SBNO1: variants seen among roughly 807,000 people sequenced by gnomAD.
The protein encoded by SBNO1 is strawberry notch homolog 1.
In SBNO1, 23 loss-of-function variants were observed where a neutral mutation model predicts 173.6. The ratio of observed to expected loss-of-function variants is 0.13; its 90% CI spans 0.10 to 0.19. The LOEUF is 0.19. Ranked by LOEUF, SBNO1 falls within the 10% of genes least tolerant of loss-of-function variation. SBNO1 has a pLI of 1.00. For missense variants in SBNO1, 1,238 were observed against 1,671.2 expected (o/e 0.74, Z 4.52); for synonymous variants, 632 against 571.5 (o/e 1.11, Z -1.51).
At chr12:123,354,481 GC>G (rs1874209271) in intron 1 of SBNO1, among the ~76,000 whole-genome samples, 2 of 151,850 alleles carry the variant, frequency 1.3e-5, no homozygotes, top group African/African-American at 4.8e-5. Flanking sequence ...TTCTTTTTTT[GC>G]AGGGTGAAGG....
chr12:123,296,166 CA>C, intron 31 of SBNO1, 116 bp from the exon 32 acceptor site: 1 of 565,686 alleles, frequency 1.8e-6, no homozygotes, highest in South Asian at 2.3e-5. Context: ...GAAGTTCACA[CA>C]AAAATTAAAC....
At chr12:123,330,598 TTA>T in intron 8 of SBNO1, 89 bp from the exon 9 acceptor site, 1 of 479,036 alleles carries the variant, frequency 2.1e-6, no homozygotes, top group Non-Finnish European at 3.2e-6. Context: ...GTCTTGACAC[TTA>T]AAAAAAAAAA....
intron 4 of SBNO1, among the ~76,000 whole-genome samples, chr12:123,343,196 G>A (rs530652874): frequency 2.6e-5 from 4 of 152,274 alleles, no homozygotes; most frequent in African/African-American, 9.6e-5. Context: ...TCGCGCCATT[G>A]CACTCCAGCC....
intron 5 of SBNO1, among the ~76,000 whole-genome samples, 174 bp from the exon 6 acceptor site, chr12:123,336,665 A>G (rs1215979961): frequency 6.6e-6 from 1 of 152,188 alleles, no homozygotes; most frequent in Non-Finnish European, 1.5e-5. Context: ...TGCTTCTCCA[A>G]TAATGAGCAC....
rs1013776626 is a variant in SBNO1 at position 123,345,377 on chromosome 12, G to A, written c.431C>T (p.Thr144Ile). ...VSAPTVRNAM[T>I]SAPSKDQVQL... ...AACTTGGTCTTTTGAAGGTGCAGAG[G>A]TCATGGCATTTCGTACTGTTGGTGC... is the stretch of plus-strand genomic sequence containing the variant. Residue 144 changes from threonine to isoleucine, a missense_variant, in exon 4 of 32, where the codon ACC becomes ATC. Around this residue, in one of 14 missense-constraint regions of SBNO1, gnomAD observed 287 missense variants for 274.1 expected, o/e 1.05. Coordinates refer to ENST00000602398, the MANE Select transcript of SBNO1 (RefSeq NM_001167856.3). 1 of 1,614,142 alleles carries A rather than the reference G, an allele frequency of 6.2e-7. No individual in the cohort carries two copies. Among genetic ancestry groups the A allele is most frequent in the Non-Finnish European group, 8.5e-7 (1 of 1,180,022 alleles).
chr12:123,363,406 A>G (rs1875627796), intron 1 of SBNO1, among the ~76,000 whole-genome samples: 1 of 152,166 alleles, frequency 6.6e-6, no homozygotes, highest in African/African-American at 2.4e-5. Flanking sequence ...GAATTATCTG[A>G]AAGTGTTAAG....
rs59447456 is a variant in SBNO1 at position 123,297,400 on chromosome 12, C to CAAAAAAAAAAAAAAAAAAAAAAA, written c.4039+577_4039+578insTTTTTTTTTTTTTTTTTTTTTTT. Among the ~76,000 whole-genome samples, 103 of 31,504 alleles carry CAAAAAAAAAAAAAAAAAAAAAAA rather than the reference C, an allele frequency of 3.3e-3. 22 individuals are homozygous for CAAAAAAAAAAAAAAAAAAAAAAA. The highest frequency in any genetic ancestry group is 4.2e-3 in the East Asian group (3 of 714). The allele number at this position is 31,504 out of a possible 152,430, so 20.7% of individuals were successfully genotyped here. A position where few individuals can be genotyped will look rare whatever the true frequency, so the allele number is the denominator to read the frequency against. ...TACAACATCCCAAAATACTGGTGTC[C>CAAAAAAAAAAAAAAAAAAAAAAA]AAAAAAAAAAAAAAAAAAAAAATTC... On this transcript the variant is annotated intron_variant, in intron 31 of 31. Transcript: ENST00000602398.
At chr12:123,326,369 T>C in intron 13 of SBNO1, 35 bp from the exon 14 acceptor site, 2 of 1,406,278 alleles carry the variant, frequency 1.4e-6, no homozygotes, top group Non-Finnish European at 1.9e-6. Context: ...AGACACTTCA[T>C]CTTTGAGTCT....
At chr12:123,302,666 T>G (rs2048825867) in intron 30 of SBNO1, among the ~76,000 whole-genome samples, 158 bp downstream of exon 30, 1 of 152,226 alleles carries the variant, frequency 6.6e-6, no homozygotes, top group Non-Finnish European at 1.5e-5. Context: ...CAGTTTCTAG[T>G]CTACAACTGT....
chr12:123,330,023 T>A (rs1871033647), intron 9 of SBNO1, among the ~76,000 whole-genome samples: 1 of 152,160 alleles, frequency 6.6e-6, no homozygotes, highest in Non-Finnish European at 1.5e-5. Flanking sequence ...GCCATAACTA[T>A]CTACATCGCA....
intron 6 of SBNO1, 57 bp downstream of exon 6, chr12:123,336,338 C>T (rs1871842927): frequency 9.1e-7 from 1 of 1,102,738 alleles, no homozygotes; most frequent in Non-Finnish European, 1.3e-6. Flanking sequence ...ACAAAAAGAA[C>T]CAAAGAAACC....
At chr12:123,355,519 G>A (rs1416676658) in intron 1 of SBNO1, among the ~76,000 whole-genome samples, 1 of 151,894 alleles carries the variant, frequency 6.6e-6, no homozygotes, top group Admixed American at 6.6e-5. Context: ...CAGGAGAATC[G>A]CGTGAACCCG....
chr12:123,360,499 C>T (rs1382022814), intron 1 of SBNO1, among the ~76,000 whole-genome samples: 1 of 151,970 alleles, frequency 6.6e-6, no homozygotes, highest in Non-Finnish European at 1.5e-5. Flanking sequence ...AGCTGGAGTG[C>T]AGTGGCGCAA....
intron 1 of SBNO1, among the ~76,000 whole-genome samples, chr12:123,356,447 T>G (rs9739171): frequency 0.89 from 135,009 of 152,096 alleles, 60,056 homozygotes; most frequent in Middle Eastern, 0.95. Flanking sequence ...GGTTTGTTTG[T>G]TCTTTTGCGA....
In SBNO1 at chr12:123,311,188, CTAAG is replaced by C. The variant is rs1475825667; in HGVS notation, c.3221-63_3221-60del. On this transcript the variant is annotated intron_variant, in intron 24 of 31. Transcript: ENST00000602398. Reference sequence around the variant, plus strand: ...TACAAGGGATGTCTACAATGTACCACTAAGTGAGAAAAGTATGTTGTAAGTAGTA... The same window carrying C: ...TACAAGGGATGTCTACAATGTACCACTGAGAAAAGTATGTTGTAAGTAGTA... 11 of 1,240,976 alleles carry C rather than the reference CTAAG, an allele frequency of 8.9e-6. No individual in the cohort carries two copies. In the African/African-American group the frequency reaches 1.2e-4, roughly 13 times the overall value. 76.9% of individuals were successfully genotyped at this position (1,240,976 alleles called of 1,614,324 possible).
At chr12:123,301,078 G>A (rs1042659187) in intron 30 of SBNO1, among the ~76,000 whole-genome samples, 4 of 149,900 alleles carry the variant, frequency 2.7e-5, no homozygotes, top group Non-Finnish European at 5.9e-5. Flanking sequence ...CACGATCTCA[G>A]CTCACCGCAA....
At chr12:123,341,552 A>C (rs1320789650) in intron 4 of SBNO1, among the ~76,000 whole-genome samples, 7 of 151,898 alleles carry the variant, frequency 4.6e-5, no homozygotes, top group Non-Finnish European at 8.8e-5. Flanking sequence ...TTGGAGTTTC[A>C]CTCTTGTTGC....
chr12:123,304,098 CTT>C (rs1486235786), intron 29 of SBNO1, among the ~76,000 whole-genome samples: 3 of 151,766 alleles, frequency 2.0e-5, no homozygotes, highest in Non-Finnish European at 4.4e-5. Flanking sequence ...GCCTGGCTAT[CTT>C]TTCTATCTTT....
intron 6 of SBNO1, among the ~76,000 whole-genome samples, chr12:123,334,776 TAA>T (rs63191563): frequency 5.9e-5 from 9 of 151,818 alleles, no homozygotes; most frequent in Middle Eastern, 3.4e-3. Flanking sequence ...AAAAAAGATC[TAA>T]AAAAACACCA....
Sources: gnomAD v4.1 joint callset for allele counts (sites outside exome capture counted in the v4.1 genomes callset) on GRCh38, gnomAD v4.1.1 for gene constraint, gnomAD v4.1.1 regional missense constraint, MANE v1.5 for transcripts, NCBI Gene and HGNC (gene_info 2026-07-23, HGNC 2026-07-21) for gene names.